CSNK2A2IP: variants seen among roughly 807,000 people sequenced by gnomAD.
CSNK2A2IP encodes the protein casein kinase II subunit alpha'-interacting protein.
the CSNK2A2IP span, among the ~76,000 whole-genome samples, chr3:88,417,954 C>A: frequency 2.0e-5 from 3 of 151,996 alleles, no homozygotes; most frequent in Non-Finnish European, 4.4e-5. Flanking sequence ...TACTTGGGAC[C>A]TAAAAGAAAT....
the CSNK2A2IP span, among the ~76,000 whole-genome samples, chr3:88,349,077 C>T: frequency 6.6e-6 from 1 of 152,070 alleles, no homozygotes; most frequent in East Asian, 1.9e-4. Context: ...GTTTCTCTCC[C>T]CCTTTCCATT....
At chr3:88,377,343 CTT>C in the CSNK2A2IP span, among the ~76,000 whole-genome samples, 1 of 151,710 alleles carries the variant, frequency 6.6e-6, no homozygotes, top group Non-Finnish European at 1.5e-5. Flanking sequence ...TCTATCTTTT[CTT>C]TATTTTCATA....
At chr3:88,339,780 TA>T in the CSNK2A2IP span, among the ~76,000 whole-genome samples, 1 of 152,102 alleles carries the variant, frequency 6.6e-6, no homozygotes, top group East Asian at 1.9e-4. Context: ...GCAAACCATA[TA>T]ATTTTTGTGT....
the CSNK2A2IP span, among the ~76,000 whole-genome samples, chr3:88,344,320 C>A: frequency 1.3e-5 from 2 of 151,808 alleles, no homozygotes; most frequent in African/African-American, 4.8e-5. Flanking sequence ...TTTAGACTTG[C>A]AATGAAGGCA....
At chr3:88,444,410 C>T in the CSNK2A2IP span, among the ~76,000 whole-genome samples, 332 of 152,250 alleles carry the variant, frequency 2.2e-3, 2 homozygotes, top group African/African-American at 7.5e-3. Context: ...TGCTTATACT[C>T]AGCAAATTGC....
At chr3:88,375,828 C>T in the CSNK2A2IP span, among the ~76,000 whole-genome samples, 1 of 151,700 alleles carries the variant, frequency 6.6e-6, no homozygotes, top group Non-Finnish European at 1.5e-5. Flanking sequence ...CTCAAGACAC[C>T]ATGCTCTCTT....
the CSNK2A2IP span, among the ~76,000 whole-genome samples, chr3:88,356,617 T>C: frequency 6.6e-6 from 1 of 152,164 alleles, no homozygotes; most frequent in Admixed American, 6.5e-5. Flanking sequence ...TACCTAGCAG[T>C]GAGATTTCTG....
the CSNK2A2IP span, among the ~76,000 whole-genome samples, chr3:88,432,007 G>C: frequency 6.6e-6 from 1 of 151,934 alleles, no homozygotes; most frequent in Non-Finnish European, 1.5e-5. Flanking sequence ...ATTTTTATAA[G>C]ATATTTTGAT....
chr3:88,465,714 C>G, the CSNK2A2IP span: 2 of 1,231,698 alleles, frequency 1.6e-6, no homozygotes, highest in Admixed American at 8.4e-5. Flanking sequence ...GAGCCCTGAA[C>G]TCTCATTTGT....
At chr3:88,362,508 T>A in the CSNK2A2IP span, among the ~76,000 whole-genome samples, 1 of 152,074 alleles carries the variant, frequency 6.6e-6, no homozygotes, top group Non-Finnish European at 1.5e-5. Context: ...GAGGGAGGGG[T>A]GGCATAGATA....
the CSNK2A2IP span, among the ~76,000 whole-genome samples, chr3:88,464,665 A>G: frequency 4.6e-5 from 7 of 152,166 alleles, no homozygotes; most frequent in Admixed American, 2.6e-4. Flanking sequence ...ACTGAATCTG[A>G]ACTGAAAAGA....
chr3:88,415,684 C>T, the CSNK2A2IP span, among the ~76,000 whole-genome samples: 9 of 151,960 alleles, frequency 5.9e-5, no homozygotes, highest in Non-Finnish European at 2.9e-5. Context: ...TCATTTAATC[C>T]TCACATACCA....
the CSNK2A2IP span, among the ~76,000 whole-genome samples, chr3:88,457,750 T>TC: frequency 4.0e-3 from 586 of 148,166 alleles, 4 homozygotes; most frequent in East Asian, 0.033. Flanking sequence ...TAAAATAAAA[T>TC]AAAATCTAGT....
the CSNK2A2IP span, among the ~76,000 whole-genome samples, chr3:88,343,501 C>T: frequency 6.6e-6 from 1 of 151,910 alleles, no homozygotes; most frequent in Admixed American, 6.6e-5. Context: ...CATTAGTTAT[C>T]TTGTTATGTG....
At chr3:88,457,780 G>C in the CSNK2A2IP span, among the ~76,000 whole-genome samples, 2 of 148,826 alleles carry the variant, frequency 1.3e-5, no homozygotes, top group African/African-American at 4.9e-5. Context: ...CATAGCTTGA[G>C]TTGAAAATAA....
the CSNK2A2IP span, among the ~76,000 whole-genome samples, chr3:88,436,047 G>C: frequency 6.6e-6 from 1 of 151,896 alleles, no homozygotes; most frequent in Non-Finnish European, 1.5e-5. Context: ...GAGAATGCAA[G>C]AGAAAGGAGA....
At chr3:88,444,003 A>G in the CSNK2A2IP span, among the ~76,000 whole-genome samples, 9 of 152,234 alleles carry the variant, frequency 5.9e-5, no homozygotes, top group Non-Finnish European at 1.2e-4. Flanking sequence ...ATTTTTAGAA[A>G]CAACATATGG....
At chr3:88,341,062 T>C in the CSNK2A2IP span, among the ~76,000 whole-genome samples, 16 of 152,078 alleles carry the variant, frequency 1.1e-4, no homozygotes, top group South Asian at 6.2e-4. Context: ...TTTATGCAAA[T>C]GCATATTTAC....
chr3:88,351,563 G>C, the CSNK2A2IP span, among the ~76,000 whole-genome samples: 1 of 151,992 alleles, frequency 6.6e-6, no homozygotes, highest in Non-Finnish European at 1.5e-5. Context: ...ATGTAACTTT[G>C]TGTAGGTAGA....
Sources: gnomAD v4.1 joint callset for allele counts (sites outside exome capture counted in the v4.1 genomes callset) on GRCh38, gnomAD v4.1.1 for gene constraint, MANE v1.5 for transcripts, NCBI Gene and HGNC (gene_info 2026-07-23, HGNC 2026-07-21) for gene names.